Variants in STON2 observed in about 807,000 individuals in gnomAD.
STON2 encodes stonin 2, also known as stonin-2.
STON2 carries 29 observed loss-of-function variants against 65.7 expected under a neutral mutation model. The observed-to-expected ratio is 0.44, with a 90% CI of 0.33 to 0.60. The LOEUF (loss-of-function observed/expected upper bound fraction) is 0.60, where lower values mean the gene tolerates loss of function less well. STON2 is among the 20% of genes least tolerant of loss of function. The pLI, the probability that STON2 is intolerant of heterozygous loss-of-function variation, is 0.03. For synonymous variants in STON2, 404 were observed against 414.2 expected (o/e 0.98, Z 0.30); for missense variants, 1,054 against 1,118.1 (o/e 0.94, Z 0.82).
chr14:81,375,719 G>A (rs141143167), intron 3 of STON2, among the ~76,000 whole-genome samples: 3 of 151,674 alleles, frequency 2.0e-5, no homozygotes, highest in South Asian at 2.1e-4. Context: ...ACACTCAACC[G>A]GTGAAGAATG....
chr14:81,337,496 T>TA (rs574859274), intron 4 of STON2, among the ~76,000 whole-genome samples: 79 of 150,842 alleles, frequency 5.2e-4, no homozygotes, highest in Non-Finnish European at 8.1e-4. Flanking sequence ...CAAAGGAGAG[T>TA]AAAGAGGTAG....
intron 2 of STON2, among the ~76,000 whole-genome samples, chr14:81,417,536 G>A (rs1274782683): frequency 6.6e-6 from 1 of 152,188 alleles, no homozygotes; most frequent in Non-Finnish European, 1.5e-5. Flanking sequence ...TGAGGTAAGG[G>A]CAGAGAAGAC....
At chr14:81,301,383 T>G (rs1461307770) in intron 5 of STON2, among the ~76,000 whole-genome samples, 2 of 148,188 alleles carry the variant, frequency 1.3e-5, no homozygotes, top group African/African-American at 5.3e-5. Context: ...ACTTTGTCAC[T>G]ACCTTTAAGA....
chr14:81,408,161 G>GCGCGCA (rs1486482210), intron 2 of STON2, among the ~76,000 whole-genome samples: 3 of 117,302 alleles, frequency 2.6e-5, no homozygotes, highest in African/African-American at 8.6e-5. Context: ...ACACACACGC[G>GCGCGCA]CACACACACA....
intron 4 of STON2, among the ~76,000 whole-genome samples, chr14:81,332,558 T>C (rs925718329): frequency 1.3e-5 from 2 of 152,214 alleles, no homozygotes; most frequent in African/African-American, 4.8e-5. Flanking sequence ...GGCTTGAGTA[T>C]ACTAAACCTA....
chr14:81,277,529 A>G lies in STON2; in HGVS notation c.1953T>C (p.His651=), dbSNP rs1894895032. Residue 651 remains histidine, a synonymous_variant, in exon 6 of 8, where the codon CAT becomes CAC. Transcript: ENST00000614646. The part of the protein sequence containing the change: ...SKGDNQILQH[H]VLTRIHILSF... Reference sequence around the variant, plus strand: ...TCAGGATGTGGATCCGTGTCAAGACATGGTGCTGGAGAATCTGGTTGTCTC... The same window carrying G: ...TCAGGATGTGGATCCGTGTCAAGACGTGGTGCTGGAGAATCTGGTTGTCTC... 2.5e-6 allele frequency: 4 copies of G among 1,614,176 alleles called. No individual in the cohort carries two copies. Among genetic ancestry groups the G allele is most frequent in the Non-Finnish European group, 3.4e-6 (4 of 1,180,030 alleles).
At chr14:81,302,957 A>G (rs1896023768) in intron 5 of STON2, among the ~76,000 whole-genome samples, 1 of 152,224 alleles carries the variant, frequency 6.6e-6, no homozygotes, top group African/African-American at 2.4e-5. Context: ...TTGGAGGGGC[A>G]GGAACAAGTA....
At chr14:81,349,013 T>A (rs956344922) in intron 4 of STON2, among the ~76,000 whole-genome samples, 4 of 152,102 alleles carry the variant, frequency 2.6e-5, no homozygotes. Context: ...TTCAATAAAT[T>A]GTGCTGTGAA....
chr14:81,303,493 T>C (rs546947917), intron 5 of STON2, among the ~76,000 whole-genome samples: 31 of 152,132 alleles, frequency 2.0e-4, no homozygotes, highest in South Asian at 2.1e-4. Context: ...GGCTGAGTCA[T>C]TGCGCCACCA....
At chr14:81,424,169 CA>C (rs1901852461) in intron 2 of STON2, among the ~76,000 whole-genome samples, 1 of 152,154 alleles carries the variant, frequency 6.6e-6, no homozygotes, top group South Asian at 2.1e-4. Flanking sequence ...CCTAATCAGG[CA>C]CGGTGGCTCA....
rs972605915 is a variant in STON2, at chr14:81,264,751, T to G, written c.*3663A>C. Reference sequence around the variant, plus strand: ...TAAGGGAAGAGCCAAATAGAAAAAATGAAACTGTCCAGATAATATTTAATA... The same window carrying G: ...TAAGGGAAGAGCCAAATAGAAAAAAGGAAACTGTCCAGATAATATTTAATA... On this transcript the variant is annotated 3_prime_UTR_variant, in exon 8 of 8. Transcript: ENST00000614646. 1.0e-6 allele frequency: 1 copy of G among 984,978 alleles called. No homozygotes were observed. Among genetic ancestry groups the G allele is most frequent in the African/African-American group, 1.8e-5 (1 of 57,100 alleles). The allele number at this position is 984,978 out of a possible 1,614,324, so 61.0% of individuals were successfully genotyped here.
In STON2 at chr14:81,264,645, C is replaced by A. The variant is rs1894286102; in HGVS notation, c.*3769G>T. The A allele has an allele frequency of 1.0e-6, 1 of 984,696 alleles. No individual in the cohort carries two copies. The highest frequency in any genetic ancestry group is 1.7e-5 in the African/African-American group (1 of 57,206). 61.0% of individuals were successfully genotyped at this position (984,696 alleles called of 1,614,324 possible). On this transcript the variant is annotated 3_prime_UTR_variant, in exon 8 of 8. Transcript: ENST00000614646. The stretch of plus-strand genomic sequence containing the variant: ...CCACTGGATTTGAATAGAAATCAGT[C>A]TCATTTCAAATAAAAAATATTTTAA...
chr14:81,400,478 C>CAAAAAAA (rs5810028), upstream of STON2, among the ~76,000 whole-genome samples: 9 of 96,680 alleles, frequency 9.3e-5, 2 homozygotes, highest in Non-Finnish European at 1.1e-4. Flanking sequence ...CAGCACCCGT[C>CAAAAAAA]AAAAAAAAAA....
chr14:81,399,292 T>C (rs1462810614), intron 1 of STON2, among the ~76,000 whole-genome samples: 1 of 152,246 alleles, frequency 6.6e-6, no homozygotes, highest in African/African-American at 2.4e-5. Context: ...TTAATATCTT[T>C]TTACAACCTG....
intron 3 of STON2, among the ~76,000 whole-genome samples, chr14:81,371,655 C>G (rs1899000745): frequency 8.9e-6 from 1 of 112,224 alleles, no homozygotes; most frequent in African/African-American, 3.6e-5. Context: ...GCCTGGACAA[C>G]AGAATGAATG....
At position 81,267,149 on chromosome 14, in the gene STON2, G is replaced by C; in HGVS notation, c.*1265C>G. On this transcript the variant is annotated 3_prime_UTR_variant, in exon 8 of 8. Coordinates refer to ENST00000614646, the MANE Select transcript of STON2 (RefSeq NM_001394390.1). The stretch of plus-strand genomic sequence containing the variant: ...TATTCTTCATGGGAGAAAACACTAA[G>C]ATACAAATAAGAAGCAGAGGTGAGT... The C allele has an allele frequency of 1.0e-6, 1 of 985,282 alleles. No homozygotes were observed. The highest frequency in any genetic ancestry group is 1.2e-6 in the Non-Finnish European group (1 of 829,890). 61.0% of individuals were successfully genotyped at this position (985,282 alleles called of 1,614,324 possible). A position where few individuals can be genotyped will look rare whatever the true frequency, so the allele number is the denominator to read the frequency against.
chr14:81,406,164 C>T lies in STON2; in HGVS notation c.-198-7584G>A, dbSNP rs192497998. On this transcript the variant is annotated intron_variant, in intron 2 of 8. Transcript: ENST00000553821. ...TCCCTACTTTTGAGGTTTTGGGGCT[C>T]GGATTGGATTCCTTGCTCCTCAGCT... 5.3e-5 allele frequency among the ~76,000 whole-genome samples: 8 copies of T among 152,282 alleles called. No individual in the cohort carries two copies. The East Asian group carries it at 1.5e-3, about 29-fold the overall frequency.
At chr14:81,432,727 T>C (rs1013019468) in intron 1 of STON2, among the ~76,000 whole-genome samples, 7 of 152,222 alleles carry the variant, frequency 4.6e-5, no homozygotes, top group Non-Finnish European at 7.3e-5. Flanking sequence ...CCAAGCTTTT[T>C]TCATTTTCTC....
At chr14:81,409,029 T>C (rs987876047) in intron 2 of STON2, among the ~76,000 whole-genome samples, 2 of 152,234 alleles carry the variant, frequency 1.3e-5, no homozygotes, top group Non-Finnish European at 2.9e-5. Context: ...AGGGAGTTGA[T>C]GTGGATAATT....
Sources: gnomAD v4.1 joint callset for allele counts (sites outside exome capture counted in the v4.1 genomes callset) on GRCh38, gnomAD v4.1.1 for gene constraint, MANE v1.5 for transcripts, NCBI Gene and HGNC (gene_info 2026-07-23, HGNC 2026-07-21) for gene names.